LEMD1: variants seen among roughly 807,000 people sequenced by gnomAD.
LEMD1 encodes the protein LEM domain containing 1, also known as LEM domain-containing protein 1.
LEMD1 carries 18 observed loss-of-function variants against 17.4 expected under a neutral mutation model. The ratio of observed to expected loss-of-function variants is 1.04; its 90% confidence interval spans 0.72 to 1.54. LEMD1 has a LOEUF of 1.54. Ranked by LOEUF, LEMD1 falls within the 40% of genes most tolerant of loss-of-function variation. The pLI is 0.00. For missense variants in LEMD1, 195 were observed against 210.4 expected, an observed-to-expected ratio of 0.93 and a Z score of 0.45; for synonymous variants, 88 against 77.8, an observed-to-expected ratio of 1.13 and a Z score of -0.69.
chr1:205,428,943 A>C (rs1666091826), intron 1 of LEMD1, among the ~76,000 whole-genome samples: 1 of 152,162 alleles, frequency 6.6e-6, no homozygotes, highest in East Asian at 1.9e-4. Flanking sequence ...CCCTTCTCTG[A>C]GACAGGGAAG....
Position 205,381,845 on chromosome 1 carries a change from C to G in LEMD1, c.359G>C (p.Arg120Thr). The G allele has an allele frequency of 1.2e-6, 2 of 1,614,122 alleles. No individual in the cohort carries two copies. Among genetic ancestry groups the G allele is most frequent in the Non-Finnish European group, 1.7e-6 (2 of 1,180,030 alleles). The change falls in exon 6 of 6, where the codon AGA (arginine) becomes ACA (threonine). Residue 120 changes from arginine to threonine, a missense_variant. Physicochemically the swap from Arg to Thr is moderately conservative, Grantham distance 71. Transcript: ENST00000367153. Reference protein sequence around the residue: ...KPSKGRRWAARAPSTRITYGT... With the variant: ...KPSKGRRWAATAPSTRITYGT... ...ATATGTGATTCTGGTGCTTGGTGCT[C>G]TTGCAGCCCACCTGTGAAAACATCA... is the stretch of plus-strand genomic sequence containing the variant.
At chr1:205,410,686 G>A (rs1439194222) in intron 4 of LEMD1, among the ~76,000 whole-genome samples, 3 of 152,002 alleles carry the variant, frequency 2.0e-5, no homozygotes, top group African/African-American at 7.3e-5. Flanking sequence ...AAAACTCCTG[G>A]GCAGGGGTGG....
chr1:205,387,043 A>G (rs1664066880), intron 4 of LEMD1: 2 of 152,338 alleles, frequency 1.3e-5, no homozygotes, highest in South Asian at 4.1e-4. Flanking sequence ...CATTTGGGGC[A>G]GAAGTTCATT....
At chr1:205,412,873 T>A (rs1378588581) in intron 4 of LEMD1, among the ~76,000 whole-genome samples, 1 of 152,208 alleles carries the variant, frequency 6.6e-6, no homozygotes. Flanking sequence ...AGCTGATGCA[T>A]TTGCCATACT....
At chr1:205,413,590 T>G (rs1665552604) in intron 4 of LEMD1, among the ~76,000 whole-genome samples, 1 of 126,472 alleles carries the variant, frequency 7.9e-6, no homozygotes, top group Non-Finnish European at 1.7e-5. Context: ...TGCCCAACTT[T>G]TTTTTTTTTT....
At position 205,444,055 on chromosome 1, in the gene LEMD1, G is replaced by C. The variant is rs554389177; in HGVS notation, c.-39+5813C>G. The stretch of plus-strand genomic sequence containing the variant: ...AGGTCCCCTTGCTGCGTCTATTTGA[G>C]GGGGAGGAGTCTGGACTAGCACCTG... On this transcript the variant is annotated intron_variant, in intron 1 of 3. Coordinates refer to the LEMD1 transcript ENST00000367154. Among the ~76,000 whole-genome samples, 109 of 152,066 alleles carry C rather than the reference G, an allele frequency of 7.2e-4. 1 individual carries two copies. Among genetic ancestry groups the C allele is most frequent in the Admixed American group, 2.0e-3 (30 of 15,274 alleles).
At chr1:205,429,784 G>A (rs1666101927) in intron 1 of LEMD1, among the ~76,000 whole-genome samples, 1 of 152,074 alleles carries the variant, frequency 6.6e-6, no homozygotes, top group South Asian at 2.1e-4. Flanking sequence ...TGATGTTGGG[G>A]GGTGGGGGGA....
chr1:205,395,044 C>T (rs1227999912), intron 4 of LEMD1, among the ~76,000 whole-genome samples: 1 of 151,210 alleles, frequency 6.6e-6, no homozygotes, highest in Non-Finnish European at 1.5e-5. Flanking sequence ...TTTTAAAAAT[C>T]TTGATTCTTG....
rs1175828736 is a variant in LEMD1, at chr1:205,420,492, T to C, written c.45A>G (p.Gln15=). The change falls in exon 2 of 6, where the codon CAA becomes CAG. Residue 15 remains glutamine, a synonymous_variant. Coordinates refer to ENST00000367153, the MANE Select transcript of LEMD1 (RefSeq NM_001199050.2). ...CAGGTGAAAATCCAAGCTTCTCAAG[T>C]TGGTTCTGCAATTTACAGTCACTCA... ...KCLSDCKLQN[Q]LEKLGFSPGP... The C allele has an allele frequency of 6.2e-7, 1 of 1,614,148 alleles. No individual in the cohort carries two copies. The highest frequency in any genetic ancestry group is 8.5e-7 in the Non-Finnish European group (1 of 1,180,012).
chr1:205,394,150 CAGA>C (rs1314082448), intron 4 of LEMD1, among the ~76,000 whole-genome samples: 2 of 116,688 alleles, frequency 1.7e-5, no homozygotes, highest in Non-Finnish European at 3.2e-5. Flanking sequence ...GTGAAATCTC[CAGA>C]AGAAGTAAAT....
At chr1:205,404,189 G>C (rs1260099515) in intron 4 of LEMD1, among the ~76,000 whole-genome samples, 2 of 152,196 alleles carry the variant, frequency 1.3e-5, no homozygotes, top group Non-Finnish European at 1.5e-5. Context: ...TTGATGTGGG[G>C]TGGAGAGTTC....
chr1:205,412,001 C>A (rs1283123326), intron 4 of LEMD1, among the ~76,000 whole-genome samples: 2 of 152,286 alleles, frequency 1.3e-5, no homozygotes, highest in South Asian at 2.1e-4. Flanking sequence ...ACCTTGGAAC[C>A]GCTCCCAAAC....
chr1:205,408,499 TTTC>T (rs1356393891), intron 4 of LEMD1, among the ~76,000 whole-genome samples: 27 of 113,442 alleles, frequency 2.4e-4, no homozygotes, highest in African/African-American at 9.0e-4. Context: ...TCTTTCTTTC[TTTC>T]TTTTTTTTTT....
chr1:205,440,114 G>A (rs1302556391), intron 1 of LEMD1, among the ~76,000 whole-genome samples: 1 of 152,152 alleles, frequency 6.6e-6, no homozygotes, highest in African/African-American at 2.4e-5. Context: ...TCAAGGGAGG[G>A]CACGGCTCAG....
intron 4 of LEMD1, among the ~76,000 whole-genome samples, chr1:205,410,768 A>G (rs1410297469): frequency 6.6e-6 from 1 of 152,044 alleles, no homozygotes; most frequent in Non-Finnish European, 1.5e-5. Flanking sequence ...TGGGAGGCTG[A>G]GGCCAGAGGT....
intron 1 of LEMD1, among the ~76,000 whole-genome samples, chr1:205,438,522 T>G (rs181471778): frequency 8.5e-4 from 130 of 152,332 alleles, no homozygotes; most frequent in African/African-American, 3.1e-3. Flanking sequence ...GGCACAGGTG[T>G]CCAGACTGCT....
chr1:205,399,785 A>G (rs1026819405), intron 4 of LEMD1, among the ~76,000 whole-genome samples: 9 of 152,232 alleles, frequency 5.9e-5, no homozygotes, highest in Non-Finnish European at 8.8e-5. Context: ...ATGAATTCAT[A>G]CTTACATGAA....
chr1:205,383,400 G>T (rs1663819944), intron 5 of LEMD1, among the ~76,000 whole-genome samples: 1 of 151,666 alleles, frequency 6.6e-6, no homozygotes, highest in Non-Finnish European at 1.5e-5. Context: ...CAGCCAACAT[G>T]TGCTATTCTG....
At chr1:205,434,348 A>AATAT (rs1553399154) in intron 1 of LEMD1, among the ~76,000 whole-genome samples, 2,252 of 143,112 alleles carry the variant, frequency 0.016, 28 homozygotes, top group Non-Finnish European at 0.025. Context: ...AGTAAAAAAA[A>AATAT]ATATATATAT....
Sources: gnomAD v4.1 joint callset for allele counts (sites outside exome capture counted in the v4.1 genomes callset) on GRCh38, gnomAD v4.1.1 for gene constraint, MANE v1.5 for transcripts, NCBI Gene and HGNC (gene_info 2026-07-23, HGNC 2026-07-21) for gene names.